The following IL1RAPL2 variants were observed in gnomAD, a reference collection of about 807,000 sequenced individuals.
IL1RAPL2 encodes the protein interleukin 1 receptor accessory protein like 2, also known as X-linked interleukin-1 receptor accessory protein-like 2.
IL1RAPL2 carries 3 observed loss-of-function variants against 44.1 expected under a neutral mutation model. That is an observed-to-expected ratio of 0.07 (90% CI 0.03 to 0.18). IL1RAPL2 has a LOEUF of 0.18. IL1RAPL2 is among the 10% of genes least tolerant of loss of function. The pLI, the probability that IL1RAPL2 is intolerant of heterozygous loss-of-function variation, is 1.00. For missense variants in IL1RAPL2, 391 were observed against 496.4 expected (o/e 0.79, Z 2.02); for synonymous variants, 181 against 178.8 (o/e 1.01, Z -0.10).
intron 2 of IL1RAPL2, among the ~76,000 whole-genome samples, chrX:104,701,460 A>G (rs1011027683): frequency 1.8e-5 from 2 of 111,399 alleles, no homozygotes; most frequent in African/African-American, 6.5e-5. Flanking sequence ...CAAATTTTCT[A>G]GTGACACAGA....
rs934950506 is a variant in IL1RAPL2 at position 105,192,009 on chromosome X, A to T, written c.83-3466A>T. Among the ~76,000 whole-genome samples, 10 of 111,948 alleles carry T rather than the reference A, an allele frequency of 8.9e-5. No homozygotes were observed. The East Asian group carries it at 2.3e-3, about 25-fold the overall frequency. On this transcript the variant is annotated intron_variant, in intron 2 of 10. Transcript: ENST00000372582. Reference sequence around the variant, plus strand: ...AGGTACCACTGGAATTGTGAACAGTATAGGGCTGGATACCTCCTGTGGATT... The same window carrying T: ...AGGTACCACTGGAATTGTGAACAGTTTAGGGCTGGATACCTCCTGTGGATT...
At chrX:104,855,406 G>A (rs763724386) in intron 2 of IL1RAPL2, among the ~76,000 whole-genome samples, 1 of 111,386 alleles carries the variant, frequency 9.0e-6, no homozygotes, top group African/African-American at 3.3e-5. Flanking sequence ...ATCTGGACCA[G>A]AATGGGCCAG....
At chrX:104,771,418 T>C (rs1472384351) in intron 2 of IL1RAPL2, among the ~76,000 whole-genome samples, 1 of 112,751 alleles carries the variant, frequency 8.9e-6, no homozygotes, top group Non-Finnish European at 1.9e-5. Context: ...GCCTGTCAGA[T>C]ACTGACTGTG....
At chrX:104,683,260 A>T (rs1930920798) in intron 2 of IL1RAPL2, among the ~76,000 whole-genome samples, 1 of 112,014 alleles carries the variant, frequency 8.9e-6, no homozygotes, top group African/African-American at 3.2e-5. Context: ...GTGCTGGATG[A>T]AGATTCTGTA....
intron 6 of IL1RAPL2, among the ~76,000 whole-genome samples, chrX:105,493,702 C>T (rs1189804482): frequency 9.0e-6 from 1 of 111,305 alleles, no homozygotes; most frequent in Non-Finnish European, 1.9e-5. Context: ...CGTATTCCTA[C>T]TAATATTAGT....
intron 3 of IL1RAPL2, among the ~76,000 whole-genome samples, chrX:105,225,294 A>G (rs1556187375): frequency 2.7e-5 from 3 of 112,515 alleles, no homozygotes; most frequent in African/African-American, 9.7e-5. Flanking sequence ...GGTGAAGAAT[A>G]TTTTGATGAC....
chrX:104,568,092 T>A (rs1019069122), intron 1 of IL1RAPL2, among the ~76,000 whole-genome samples: 2 of 110,766 alleles, frequency 1.8e-5, no homozygotes, highest in Admixed American at 1.9e-4. Flanking sequence ...ATCACAGGTG[T>A]TTTTTTTAGG....
At chrX:104,699,766 C>T (rs1005519343) in intron 2 of IL1RAPL2, among the ~76,000 whole-genome samples, 26 of 111,774 alleles carry the variant, frequency 2.3e-4, no homozygotes, top group Non-Finnish European at 9.4e-5. Context: ...TACTTTAGCA[C>T]TACAACACCA....
In IL1RAPL2 at chrX:105,622,278, AAATAATAAT is replaced by A. The variant is rs374952697; in HGVS notation, c.773-95063_773-95055del. 3.9e-3 allele frequency among the ~76,000 whole-genome samples: 389 copies of A among 99,388 alleles called. 5 individuals carry two copies. The highest frequency in any genetic ancestry group is 0.012 in the African/African-American group (320 of 26,988). 86.3% of individuals were successfully genotyped at this position (99,388 alleles called of 115,157 possible). A position where few individuals can be genotyped will look rare whatever the true frequency, so the allele number is the denominator to read the frequency against. On this transcript the variant is annotated intron_variant, in intron 6 of 10. Transcript: ENST00000372582. Reference sequence around the variant, plus strand: ...TATAAGCTGAATTAAAAGTCAATAAAAATAATAATAATAATAATAATAATAATAATAATA... The same window carrying A: ...TATAAGCTGAATTAAAAGTCAATAAAAATAATAATAATAATAATAATAATA...
chrX:105,659,384 G>A (rs937022563), intron 6 of IL1RAPL2, among the ~76,000 whole-genome samples: 2 of 111,342 alleles, frequency 1.8e-5, no homozygotes, highest in African/African-American at 6.5e-5. Flanking sequence ...AGGGACGGGC[G>A]CGGTGGCTCA....
At chrX:105,000,907 C>A (rs1281821955) in intron 2 of IL1RAPL2, among the ~76,000 whole-genome samples, 1 of 111,214 alleles carries the variant, frequency 9.0e-6, no homozygotes, top group African/African-American at 3.3e-5. Flanking sequence ...CTGCCTTCAG[C>A]CTCCATAAAT....
At chrX:104,863,300 T>C (rs1430097436) in intron 2 of IL1RAPL2, among the ~76,000 whole-genome samples, 1 of 111,805 alleles carries the variant, frequency 8.9e-6, no homozygotes, top group African/African-American at 3.3e-5. Flanking sequence ...ATGTGGATCA[T>C]TTAATCACTC....
At chrX:105,046,843 G>T (rs1424945887) in intron 2 of IL1RAPL2, among the ~76,000 whole-genome samples, 2 of 86,482 alleles carry the variant, frequency 2.3e-5, no homozygotes, top group Admixed American at 1.3e-4. Flanking sequence ...TTTTGGGGGG[G>T]TGCTAGACCT....
At chrX:105,377,336 G>T (rs1280432017) in intron 5 of IL1RAPL2, among the ~76,000 whole-genome samples, 1 of 109,623 alleles carries the variant, frequency 9.1e-6, no homozygotes, top group East Asian at 2.8e-4. Flanking sequence ...CCAAATTGAT[G>T]AATATTTAGG....
chrX:104,793,578 T>C (rs192109018), intron 2 of IL1RAPL2, among the ~76,000 whole-genome samples: 1 of 112,084 alleles, frequency 8.9e-6, no homozygotes, highest in East Asian at 2.8e-4. Context: ...AATTAATTGC[T>C]ATTTAGGTTC....
At chrX:104,679,200 C>T (rs985379034) in intron 2 of IL1RAPL2, among the ~76,000 whole-genome samples, 7 of 111,107 alleles carry the variant, frequency 6.3e-5, no homozygotes, top group African/African-American at 2.3e-4. Flanking sequence ...AAGATATGGA[C>T]TGGAGCCCAT....
intron 6 of IL1RAPL2, among the ~76,000 whole-genome samples, chrX:105,540,413 C>T (rs775134752): frequency 4.7e-4 from 52 of 110,580 alleles, no homozygotes; most frequent in Non-Finnish European, 9.1e-4. Flanking sequence ...GGCCATTATC[C>T]TAAGTGAAAG....
At chrX:105,533,003 A>T (rs2036649542) in intron 6 of IL1RAPL2, among the ~76,000 whole-genome samples, 1 of 110,181 alleles carries the variant, frequency 9.1e-6, no homozygotes, top group South Asian at 3.9e-4. Flanking sequence ...CAGCCTGGCC[A>T]ATATGGTGAA....
intron 2 of IL1RAPL2, among the ~76,000 whole-genome samples, chrX:104,866,793 T>A (rs1386720381): frequency 8.9e-6 from 1 of 111,924 alleles, no homozygotes; most frequent in African/African-American, 3.2e-5. Context: ...GTTAGGGTTT[T>A]AACACTTCAA....
Sources: allele counts gnomAD v4.1 joint callset (sites outside exome capture counted in the v4.1 genomes callset), GRCh38; gene constraint gnomAD v4.1.1; transcripts MANE v1.5; gene names NCBI Gene and HGNC (gene_info 2026-07-23, HGNC 2026-07-21).